MPHOSPH8: variants seen among roughly 807,000 people sequenced by gnomAD.
MPHOSPH8 encodes M-phase phosphoprotein, mpp.
MPHOSPH8 carries 45 observed loss-of-function variants against 87.3 expected under a neutral mutation model. The observed-to-expected ratio is 0.52, with a 90% CI of 0.41 to 0.66. The LOEUF (loss-of-function observed/expected upper bound fraction) is 0.66, where lower values mean the gene tolerates loss of function less well. Ranked by LOEUF, MPHOSPH8 falls within the 30% of genes least tolerant of loss-of-function variation. The pLI is 0.00. For synonymous variants in MPHOSPH8, 366 were observed against 376.9 expected (o/e 0.97, Z 0.33); for missense variants, 883 against 1,020.2 (o/e 0.87, Z 1.83).
rs1331890975 is a variant in MPHOSPH8, at chr13:19,647,307, G to A, written c.1218+16G>A. On this transcript the variant is annotated intron_variant, in intron 3 of 13. Coordinates refer to ENST00000361479, the MANE Select transcript of MPHOSPH8 (RefSeq NM_017520.4). ...AGCCGAGGAGGTAAGGGCCACGGGA[G>A]GCAGCAGAAAACCCATGTTGAGTGG... 1.3e-6 allele frequency: 2 copies of A among 1,564,306 alleles called. No individual in the cohort carries two copies. The highest frequency in any genetic ancestry group is 4.2e-5 in the Admixed American group (2 of 47,262).
In MPHOSPH8 at chr13:19,646,871, A is replaced by G. The variant is rs1874591065; in HGVS notation, c.798A>G (p.Ser266=). ...KFVESQVESE[S]SVLNDSPFPE... Reference sequence around the variant, plus strand: ...TCGAATCCCAGGTGGAATCTGAATCAAGTGTACTTAATGATTCTCCCTTTC... The same window carrying G: ...TCGAATCCCAGGTGGAATCTGAATCGAGTGTACTTAATGATTCTCCCTTTC... Residue 266 remains serine, a synonymous_variant, in exon 3 of 14, where the codon TCA becomes TCG. Transcript: ENST00000361479. 6.2e-7 allele frequency: 1 copy of G among 1,605,928 alleles called. No homozygotes were observed. The highest frequency in any genetic ancestry group is 8.5e-7 in the Non-Finnish European group (1 of 1,178,242).
chr13:19,646,805 A>G lies in MPHOSPH8; in HGVS notation c.732A>G (p.Glu244=). The G allele has an allele frequency of 6.3e-7, 1 of 1,587,414 alleles. No homozygotes were observed. Among genetic ancestry groups the G allele is most frequent in the Middle Eastern group, 1.7e-4 (1 of 5,908 alleles). Residue 244 remains glutamate (E), a synonymous_variant, in exon 3 of 14, where the codon GAA becomes GAG. Coordinates refer to ENST00000361479, the MANE Select transcript of MPHOSPH8 (RefSeq NM_017520.4). The part of the protein sequence containing the change: ...EIRDLKTKTR[E]DPKENRKTKK... ...GAGATTTAAAGACGAAAACAAGAGA[A>G]GATCCCAAAGAAAATAGAAAAACAA...
chr13:19,648,338 C>T, intron 3 of MPHOSPH8, 84 bp from the exon 4 acceptor site: 1 of 817,418 alleles, frequency 1.2e-6, no homozygotes, highest in Non-Finnish European at 1.9e-6. Context: ...CCTGAAGCCA[C>T]AAACCTGTAT....
rs1274550328 is a variant in MPHOSPH8 at position 19,672,828 on chromosome 13, G to C, written c.*953G>C. 1 of 301,140 alleles carries C rather than the reference G, an allele frequency of 3.3e-6. No individual in the cohort carries two copies. Among genetic ancestry groups the C allele is most frequent in the Non-Finnish European group, 6.6e-6 (1 of 152,208 alleles). 18.7% of individuals were successfully genotyped at this position (301,140 alleles called of 1,614,324 possible). ...TAAATGTGAACTTTTAGCAGAGCGTGGTGGCTCACACCTATAATCCCAGCG... is the reference window on the plus strand; with the variant it reads ...TAAATGTGAACTTTTAGCAGAGCGTCGTGGCTCACACCTATAATCCCAGCG... On this transcript the variant is annotated 3_prime_UTR_variant, in exon 14 of 14. Coordinates refer to ENST00000361479, the MANE Select transcript of MPHOSPH8 (RefSeq NM_017520.4).
At chr13:19,659,571 A>G (rs1593484578) in intron 7 of MPHOSPH8, 3 of 385,204 alleles carry the variant, frequency 7.8e-6, no homozygotes, top group Non-Finnish European at 1.5e-5. Flanking sequence ...GGCTGAGGTG[A>G]CAGGATCACC....
rs368520245 is a variant in MPHOSPH8, at chr13:19,650,178, C to T, written c.1494C>T (p.Asp498=). 1.9e-5 allele frequency: 30 copies of T among 1,613,990 alleles called. No homozygotes were observed. Among genetic ancestry groups the T allele is most frequent in the Non-Finnish European group, 2.3e-5 (27 of 1,180,018 alleles). Residue 498 remains aspartate (D), a synonymous_variant, in exon 5 of 14, where the codon GAC becomes GAT. Coordinates refer to ENST00000361479, the MANE Select transcript of MPHOSPH8 (RefSeq NM_017520.4). The part of the protein sequence containing the change: ...QSLKERRNTR[D]ETDTWAYIAA... ...TTAAAGAAAGGAGAAACACCAGAGA[C>T]GAAACGGATACTTGGGCATACATTG...
rs1334653458 is a variant in MPHOSPH8 at position 19,668,500 on chromosome 13, C to A, written c.2298C>A (p.Phe766Leu). 6.2e-7 allele frequency: 1 copy of A among 1,614,138 alleles called. No individual in the cohort carries two copies. Among genetic ancestry groups the A allele is most frequent in the Non-Finnish European group, 8.5e-7 (1 of 1,180,008 alleles). Residue 766 changes from phenylalanine (F) to leucine (L), a missense_variant, in exon 11 of 14, where the codon TTC becomes TTA. This residue lies in a region of MPHOSPH8 where 741 missense variants were observed against 841.5 expected (regional missense o/e 0.88). Coordinates refer to ENST00000361479, the MANE Select transcript of MPHOSPH8 (RefSeq NM_017520.4). ...LCEGPDFSTDFNYKPPQNIPE... is the reference protein window; with the variant it reads ...LCEGPDFSTDLNYKPPQNIPE... ...AGGGTCCAGATTTTTCAACAGATTT[C>A]AATTACAAACCCCCACAGAACATAC...
chr13:19,662,242 A>C (rs183769582), intron 8 of MPHOSPH8, among the ~76,000 whole-genome samples: 2 of 152,126 alleles, frequency 1.3e-5, no homozygotes, highest in East Asian at 3.9e-4. Context: ...CCTGGCTGTC[A>C]CACGGTCCCA....
At chr13:19,652,518 C>T (rs1017570701) in intron 5 of MPHOSPH8, among the ~76,000 whole-genome samples, 1 of 152,166 alleles carries the variant, frequency 6.6e-6, no homozygotes, top group African/African-American at 2.4e-5. Context: ...TGGGCCGACA[C>T]TGAGCTAGCT....
intron 2 of MPHOSPH8, among the ~76,000 whole-genome samples, chr13:19,645,542 G>A (rs1056796279): frequency 6.6e-6 from 1 of 152,048 alleles, no homozygotes; most frequent in Non-Finnish European, 1.5e-5. Flanking sequence ...GAGGCCGAGA[G>A]GTCAGGGGTT....
chr13:19,661,702 C>T lies in MPHOSPH8; in HGVS notation c.1796C>T (p.Ser599Phe). The T allele has an allele frequency of 6.3e-7, 1 of 1,595,480 alleles. No individual in the cohort carries two copies. Among genetic ancestry groups the T allele is most frequent in the Admixed American group, 1.7e-5 (1 of 57,778 alleles). The change falls in exon 8 of 14, where the codon TCC becomes TTC. Residue 599 changes from serine (S) to phenylalanine (F), a missense_variant. Around this residue, in one of 3 missense-constraint regions of MPHOSPH8, gnomAD observed 741 missense variants for 841.5 expected, o/e 0.88. Transcript: ENST00000361479. ...NEEYNLDQED[S>F]SGMTLVMLAA... The stretch of plus-strand genomic sequence containing the variant: ...TTATTTAACAAACCAACACAGGATT[C>T]CAGTGGAATGACACTGGTGATGCTT...
intron 1 of MPHOSPH8, among the ~76,000 whole-genome samples, chr13:19,639,758 C>T (rs1282729809): frequency 6.6e-6 from 1 of 152,070 alleles, no homozygotes; most frequent in Admixed American, 6.6e-5. Context: ...ACTGAGGTCC[C>T]CAGTTACAGA....
At position 19,673,178 on chromosome 13, in the gene MPHOSPH8, A is replaced by C. The variant is rs994231490; in HGVS notation, c.*1303A>C. On this transcript the variant is annotated 3_prime_UTR_variant, in exon 14 of 14. Coordinates refer to ENST00000361479, the MANE Select transcript of MPHOSPH8 (RefSeq NM_017520.4). ...AAGATGGGGCTTAGGTAACAGCCAA[A>C]CCTGGCTGTCAGCTGTGTGGGAGCC... The C allele has an allele frequency of 1.3e-5, 6 of 450,172 alleles. No homozygotes were observed. The highest frequency in any genetic ancestry group is 2.7e-5 in the Non-Finnish European group (6 of 225,552). 27.9% of individuals were successfully genotyped at this position (450,172 alleles called of 1,614,324 possible).
At chr13:19,637,797 A>G (rs950545040) in intron 1 of MPHOSPH8, among the ~76,000 whole-genome samples, 1 of 152,110 alleles carries the variant, frequency 6.6e-6, no homozygotes, top group Non-Finnish European at 1.5e-5. Flanking sequence ...CAGAAGACAG[A>G]AGCTCTTACA....
At chr13:19,668,763 C>G (rs1296382502) in intron 11 of MPHOSPH8, among the ~76,000 whole-genome samples, 2 of 152,104 alleles carry the variant, frequency 1.3e-5, no homozygotes, top group African/African-American at 4.8e-5. Context: ...AATAATCACA[C>G]TAGTTCTCAA....
chr13:19,655,043 T>C lies in MPHOSPH8; in HGVS notation c.1577-3952T>C, dbSNP rs150407925. The stretch of plus-strand genomic sequence containing the variant: ...TTAGCAAATTTAATCTGGCCCTGTT[T>C]TAAAAAAAATCTCATGATCACGTTG... On this transcript the variant is annotated intron_variant, in intron 5 of 13. Transcript: ENST00000361479. Among the ~76,000 whole-genome samples, 48 of 152,264 alleles carry C rather than the reference T, an allele frequency of 3.2e-4. 1 individual carries two copies. The highest frequency in any genetic ancestry group is 1.1e-3 in the African/African-American group (45 of 41,548).
At chr13:19,649,882 G>C in intron 4 of MPHOSPH8, 121 bp from the exon 5 acceptor site, 1 of 892,104 alleles carries the variant, frequency 1.1e-6, no homozygotes. Flanking sequence ...TTATAAGCAA[G>C]GTAGATGTTA....
intron 10 of MPHOSPH8, among the ~76,000 whole-genome samples, chr13:19,667,385 G>A (rs1174244601): frequency 2.0e-5 from 3 of 152,148 alleles, no homozygotes; most frequent in Non-Finnish European, 4.4e-5. Flanking sequence ...CTGGAGCGCA[G>A]CATTGACATT....
chr13:19,654,483 G>A (rs567425839), intron 5 of MPHOSPH8, among the ~76,000 whole-genome samples: 41 of 152,284 alleles, frequency 2.7e-4, no homozygotes, highest in Middle Eastern at 3.4e-3. Flanking sequence ...ATAAAAAAAA[G>A]AACGTGGAAT....
Sources: allele counts gnomAD v4.1 joint callset (sites outside exome capture counted in the v4.1 genomes callset), GRCh38; gene constraint gnomAD v4.1.1; regional missense constraint gnomAD v4.1.1; transcripts MANE v1.5; gene names NCBI Gene and HGNC (gene_info 2026-07-23, HGNC 2026-07-21).